IPO11: variants seen among roughly 807,000 people sequenced by gnomAD.
IPO11 encodes importin-11.
IPO11 carries 66 observed loss-of-function variants against 143.2 expected under a neutral mutation model. That is an observed-to-expected ratio of 0.46 (90% confidence interval 0.38 to 0.57). The LOEUF (loss-of-function observed/expected upper bound fraction) is 0.57, where lower values mean the gene tolerates loss of function less well. Among genes scored for constraint, IPO11 ranks in the 20% least tolerant of loss-of-function variants. The probability of loss-of-function intolerance (pLI) is 0.00; values close to 1 mark genes in which losing one functional copy is unlikely to be tolerated. For synonymous variants in IPO11, 385 were observed against 377.8 expected, an observed-to-expected ratio of 1.02 and a Z score of -0.22; for missense variants, 1,026 against 1,141.0, an observed-to-expected ratio of 0.90 and a Z score of 1.45.
intron 7 of IPO11, 79 bp from the exon 8 acceptor site, chr5:62,474,336 GT>G: frequency 1.2e-6 from 1 of 846,716 alleles, no homozygotes; most frequent in Non-Finnish European, 1.8e-6. Context: ...TGATAGATTT[GT>G]TTTGGTATCC....
In IPO11 at chr5:62,506,106, A is replaced by G. The variant is rs150655092; in HGVS notation, c.1666-135A>G. On this transcript the variant is annotated intron_variant, in intron 18 of 29. Transcript: ENST00000325324. ...TTGAACGATTTCAGGTTGTTTAGGT[A>G]ATGCCAAGCTTTTGGCTGTTTATTT... 139 of 517,978 alleles carry G rather than the reference A, an allele frequency of 2.7e-4. 1 individual carries two copies. The highest frequency in any genetic ancestry group is 2.3e-3 in the African/African-American group (122 of 52,792). 32.1% of individuals were successfully genotyped at this position (517,978 alleles called of 1,614,324 possible).
chr5:62,413,745 G>A (rs1345387443), intron 1 of IPO11, among the ~76,000 whole-genome samples: 1 of 152,210 alleles, frequency 6.6e-6, no homozygotes, highest in Non-Finnish European at 1.5e-5. Flanking sequence ...AGGAAGAATA[G>A]TTTGTAGCCA....
In IPO11 at chr5:62,561,156, T is replaced by C; in HGVS notation, c.2481T>C (p.Asn827=). Residue 827 remains asparagine (N), a synonymous_variant, in exon 27 of 30, where the codon AAT becomes AAC. Transcript: ENST00000325324. ...FNQEMDQLLG[N]MIEMWVDRMD... is the part of the protein sequence containing the mutation. ...TTCAGATGGACCAGCTTTTGGGAAA[T>C]ATGATTGAAATGTGGGTTGATCGAA... is the stretch of plus-strand genomic sequence containing the variant. 6.2e-7 allele frequency: 1 copy of C among 1,606,240 alleles called. No homozygotes were observed. Among genetic ancestry groups the C allele is most frequent in the Non-Finnish European group, 8.5e-7 (1 of 1,176,748 alleles).
In IPO11 at chr5:62,575,274, T is replaced by C. The variant is rs1278824324; in HGVS notation, c.2582+14017T>C. 2.0e-5 allele frequency among the ~76,000 whole-genome samples: 3 copies of C among 152,228 alleles called. No homozygotes were observed. The East Asian group carries it at 5.8e-4, about 29-fold the overall frequency. On this transcript the variant is annotated intron_variant, in intron 27 of 29. Transcript: ENST00000325324. ...GACCTTTACCCAGAATCACCTGTTGTTAACTTTTGTCCCAGTTTGTTGCGT... is the reference window on the plus strand; with the variant it reads ...GACCTTTACCCAGAATCACCTGTTGCTAACTTTTGTCCCAGTTTGTTGCGT...
chr5:62,464,176 A>G (rs180858850), intron 5 of IPO11, among the ~76,000 whole-genome samples: 2,851 of 106,414 alleles, frequency 0.027, 46 homozygotes, highest in Non-Finnish European at 0.04. Context: ...TTTGAGATGC[A>G]GTCTTGCTCT....
At chr5:62,568,941 T>C (rs1206251050) in intron 27 of IPO11, among the ~76,000 whole-genome samples, 1 of 152,250 alleles carries the variant, frequency 6.6e-6, no homozygotes, top group Non-Finnish European at 1.5e-5. Flanking sequence ...CCTAAGCCTG[T>C]GGATACTGCA....
intron 2 of IPO11, 98 bp from the exon 3 acceptor site, chr5:62,442,885 A>C: frequency 1.4e-6 from 1 of 709,258 alleles, no homozygotes; most frequent in Non-Finnish European, 2.2e-6. Flanking sequence ...AAACAAAACA[A>C]AACAAAACAA....
chr5:62,445,494 A>AT (rs200800457), intron 3 of IPO11, among the ~76,000 whole-genome samples: 1,533 of 149,818 alleles, frequency 0.01, 29 homozygotes, highest in African/African-American at 0.035. Context: ...TGATTTGATG[A>AT]TTTTTTTTTT....
intron 1 of IPO11, among the ~76,000 whole-genome samples, chr5:62,416,138 C>A (rs1743286664): frequency 6.6e-6 from 1 of 151,138 alleles, no homozygotes; most frequent in Non-Finnish European, 1.5e-5. Context: ...CCTGTGTGTA[C>A]ATGCACCTCT....
intron 3 of IPO11, among the ~76,000 whole-genome samples, chr5:62,444,213 C>T (rs1744624908): frequency 2.0e-5 from 3 of 151,886 alleles, no homozygotes; most frequent in African/African-American, 4.8e-5. Flanking sequence ...CTGCCTCAGC[C>T]TCCCGAGTAG....
chr5:62,416,240 T>C (rs1743292975), intron 1 of IPO11, among the ~76,000 whole-genome samples: 5 of 148,546 alleles, frequency 3.4e-5, no homozygotes, highest in Admixed American at 1.4e-4. Context: ...TGGAGTGCAG[T>C]GGCCCGCTCT....
chr5:62,578,897 A>T (rs1426627929), intron 27 of IPO11: 6 of 290,102 alleles, frequency 2.1e-5, no homozygotes, highest in East Asian at 2.0e-4. Flanking sequence ...ACCTTTACTG[A>T]ATCAGCTGAG....
chr5:62,419,330 AATTT>A (rs1743417330), intron 1 of IPO11, among the ~76,000 whole-genome samples: 2 of 152,322 alleles, frequency 1.3e-5, no homozygotes, highest in South Asian at 4.1e-4. Context: ...GGCTAAAATA[AATTT>A]ATTAAGAAAT....
At chr5:62,459,652 G>A (rs140846635) in intron 5 of IPO11, among the ~76,000 whole-genome samples, 27 of 152,150 alleles carry the variant, frequency 1.8e-4, no homozygotes, top group African/African-American at 6.5e-4. Context: ...CCGGGTTCAA[G>A]CAGTTCTTCT....
In IPO11 at chr5:62,546,866, A is replaced by G. The variant is rs1743217151; in HGVS notation, c.2251-3501A>G. On this transcript the variant is annotated intron_variant, in intron 24 of 29. Coordinates refer to ENST00000325324, the MANE Select transcript of IPO11 (RefSeq NM_016338.5). ...TCTAGTTTTCTTCTGTTTAAAAAGT[A>G]GAAGGCAGTGGAAGAATAAACCAGG... is the stretch of plus-strand genomic sequence containing the variant. Among the ~76,000 whole-genome samples the G allele has an allele frequency of 2.6e-5, 4 of 152,156 alleles. No individual in the cohort carries two copies. In the South Asian group the frequency reaches 6.2e-4, roughly 24 times the overall value.
At chr5:62,431,440 A>G (rs1288872830) in intron 1 of IPO11, among the ~76,000 whole-genome samples, 1 of 151,894 alleles carries the variant, frequency 6.6e-6, no homozygotes. Flanking sequence ...CCCAGGTTGG[A>G]GTGCAGTGGG....
intron 3 of IPO11, chr5:62,443,420 T>TGC (rs1554047775): frequency 4.3e-5 from 7 of 162,590 alleles, no homozygotes; most frequent in East Asian, 1.7e-4. Flanking sequence ...TGTGTGTGTG[T>TGC]GCGTGTGTGC....
chr5:62,589,640 AC>A (rs747083665), intron 27 of IPO11, among the ~76,000 whole-genome samples: 1 of 152,090 alleles, frequency 6.6e-6, no homozygotes, highest in Non-Finnish European at 1.5e-5. Context: ...TTGGCTCCTC[AC>A]CAACAATCAT....
At position 62,627,230 on chromosome 5, in the gene IPO11, T is replaced by C. The variant is rs1746618837; in HGVS notation, c.2840T>C (p.Met947Thr). 1 of 1,614,132 alleles carries C rather than the reference T, an allele frequency of 6.2e-7. No homozygotes were observed. Among genetic ancestry groups the C allele is most frequent in the Non-Finnish European group, 8.5e-7 (1 of 1,179,998 alleles). The change falls in exon 30 of 30, where the codon ATG (methionine) becomes ACG (threonine). Residue 947 changes from methionine (M) to threonine (T), a missense_variant. Physicochemically the swap from Met to Thr is moderately conservative, Grantham distance 81. Around this residue, in one of 5 missense-constraint regions of IPO11, gnomAD observed 351 missense variants for 358.9 expected, o/e 0.98. Coordinates refer to ENST00000325324, the MANE Select transcript of IPO11 (RefSeq NM_016338.5). Reference protein sequence around the residue: ...IYEKLKAQQEMLGEQGFQSLM... With the variant: ...IYEKLKAQQETLGEQGFQSLM... ...GAGAAGCTCAAGGCACAGCAGGAGATGCTAGGAGAACAAGGTTTCCAGTCC... is the reference window on the plus strand; with the variant it reads ...GAGAAGCTCAAGGCACAGCAGGAGACGCTAGGAGAACAAGGTTTCCAGTCC...
Sources: allele counts gnomAD v4.1 joint callset (sites outside exome capture counted in the v4.1 genomes callset), GRCh38; gene constraint gnomAD v4.1.1; regional missense constraint gnomAD v4.1.1; transcripts MANE v1.5; gene names NCBI Gene and HGNC (gene_info 2026-07-23, HGNC 2026-07-21).